KCNJ15: variants seen among roughly 807,000 people sequenced by gnomAD.
The protein encoded by KCNJ15 is ATP-sensitive inward rectifier potassium channel 15.
A neutral mutation model predicts 23.0 loss-of-function variants in KCNJ15; 14 were observed. The observed-to-expected ratio is 0.61, with a 90% confidence interval of 0.40 to 0.95. The LOEUF is 0.95. KCNJ15 is among the 40% of genes least tolerant of loss of function. The probability of loss-of-function intolerance (pLI) is 0.00; values close to 1 mark genes in which losing one functional copy is unlikely to be tolerated. For synonymous variants in KCNJ15, 185 were observed against 183.2 expected, an observed-to-expected ratio of 1.01 and a Z score of -0.08; for missense variants, 388 against 461.8, an observed-to-expected ratio of 0.84 and a Z score of 1.46.
At chr21:38,259,401 A>G (rs1177934880) in intron 1 of KCNJ15, among the ~76,000 whole-genome samples, 1 of 151,802 alleles carries the variant, frequency 6.6e-6, no homozygotes, top group Middle Eastern at 3.2e-3. Flanking sequence ...CTCCCTAATC[A>G]TTTTCTTCAG....
At position 38,299,383 on chromosome 21, in the gene KCNJ15, A is replaced by G. The variant is rs199852196; in HGVS notation, c.122A>G (p.Asp41Gly). 15 of 1,614,108 alleles carry G rather than the reference A, an allele frequency of 9.3e-6. No homozygotes were observed. The highest frequency in any genetic ancestry group is 3.3e-5 in the Admixed American group (2 of 60,010). The change falls in exon 3 of 3, where the codon GAC becomes GGC. Residue 41 changes from aspartate to glycine, a missense_variant. Transcript: ENST00000398938. The surrounding 1 kb of genome is among the most constrained non-coding windows in gnomAD (Gnocchi z 4.5). ...SKSGHSNVRIDKVDGIYLLYL... is the reference protein window; with the variant it reads ...SKSGHSNVRIGKVDGIYLLYL... The stretch of plus-strand genomic sequence containing the variant: ...AGTGGGCACAGCAACGTGAGAATTG[A>G]CAAAGTGGATGGCATATACCTACTC...
Position 38,301,201 on chromosome 21 carries a change from G to T in KCNJ15, c.*812G>T, listed in dbSNP as rs1459603629. On this transcript the variant is annotated 3_prime_UTR_variant, in exon 3 of 3. Coordinates refer to ENST00000398938, the MANE Select transcript of KCNJ15 (RefSeq NM_170736.3). Reference sequence around the variant, plus strand: ...TCCCAGCCAGACTTACAGAATTGGGGTCTGTATCTTAACAAGAACCCCAGA... The same window carrying T: ...TCCCAGCCAGACTTACAGAATTGGGTTCTGTATCTTAACAAGAACCCCAGA... 6.0e-6 allele frequency: 1 copy of T among 167,026 alleles called. No homozygotes were observed. The highest frequency in any genetic ancestry group is 2.4e-5 in the African/African-American group (1 of 41,424). The allele number at this position is 167,026 out of a possible 1,614,324, so 10.3% of individuals were successfully genotyped here.
chr21:38,232,516 A>G (rs1978343330), intron 1 of KCNJ15, among the ~76,000 whole-genome samples: 1 of 151,710 alleles, frequency 6.6e-6, no homozygotes, highest in South Asian at 2.1e-4. Flanking sequence ...TTATTTTTGC[A>G]GTGTCTTAAG....
At chr21:38,256,691 T>A (rs1473990531), upstream of KCNJ15, 1 of 152,296 alleles carries the variant, frequency 6.6e-6, no homozygotes, top group East Asian at 1.9e-4. Flanking sequence ...CCAAAGTTTC[T>A]TCAAAGATTA....
intron 1 of KCNJ15, among the ~76,000 whole-genome samples, chr21:38,246,372 C>T (rs1979377020): frequency 6.6e-6 from 1 of 152,126 alleles, no homozygotes; most frequent in Admixed American, 6.5e-5. Flanking sequence ...TTACTGTTGG[C>T]CTATATGATG....
upstream of KCNJ15, chr21:38,256,576 AAAAG>A (rs1324726401): frequency 1.3e-5 from 2 of 151,942 alleles, no homozygotes; most frequent in Non-Finnish European, 2.9e-5. Flanking sequence ...AGGAAAGAGA[AAAAG>A]AAAACATGGG....
In KCNJ15 at chr21:38,301,747, G is replaced by A. The variant is rs193290232; in HGVS notation, c.*1358G>A. The A allele has an allele frequency of 8.5e-4, 142 of 167,070 alleles. 1 individual carries two copies. Among genetic ancestry groups the A allele is most frequent in the Non-Finnish European group, 1.3e-3 (86 of 68,094 alleles). 10.3% of individuals were successfully genotyped at this position (167,070 alleles called of 1,614,324 possible). A position where few individuals can be genotyped will look rare whatever the true frequency, so the allele number is the denominator to read the frequency against. On this transcript the variant is annotated 3_prime_UTR_variant, in exon 3 of 3. Transcript: ENST00000398938. The stretch of plus-strand genomic sequence containing the variant: ...ATACCAAGAGGTAACATTTTGCCCC[G>A]GGCCAAATTCAGGGGTCTAGTGCCC...
intron 1 of KCNJ15, among the ~76,000 whole-genome samples, chr21:38,269,914 A>G (rs1011797065): frequency 1.3e-5 from 2 of 152,046 alleles, no homozygotes; most frequent in Admixed American, 6.5e-5. Context: ...CCCTACTTGT[A>G]TCATGCAGGA....
At chr21:38,286,018 C>T (rs1010890309) in intron 1 of KCNJ15, among the ~76,000 whole-genome samples, 2 of 151,974 alleles carry the variant, frequency 1.3e-5, no homozygotes, top group African/African-American at 4.8e-5. Flanking sequence ...CCGAGGCGGG[C>T]GGATCACGAG....
chr21:38,270,148 C>A (rs1344315093), intron 1 of KCNJ15, among the ~76,000 whole-genome samples: 1 of 152,096 alleles, frequency 6.6e-6, no homozygotes, highest in Non-Finnish European at 1.5e-5. Context: ...CCCGATGGGG[C>A]CTTACCTCTT....
intron 1 of KCNJ15, among the ~76,000 whole-genome samples, chr21:38,234,690 T>A (rs1314400468): frequency 4.6e-5 from 7 of 152,240 alleles, no homozygotes; most frequent in Admixed American, 4.6e-4. Context: ...AACATGAATA[T>A]TGCAGTTAGA....
intron 2 of KCNJ15, among the ~76,000 whole-genome samples, chr21:38,297,239 C>A (rs965568303): frequency 2.0e-5 from 3 of 152,130 alleles, no homozygotes; most frequent in African/African-American, 7.2e-5. Flanking sequence ...GCACTATATA[C>A]ACAGGACTGC....
rs1389954215 is a variant in KCNJ15, at chr21:38,302,000, AC to A, written c.*1612del. 7.1e-6 allele frequency: 1 copy of A among 141,692 alleles called. No homozygotes were observed. The highest frequency in any genetic ancestry group is 1.9e-4 in the East Asian group (1 of 5,176). The allele number at this position is 141,692 out of a possible 1,614,324, so 8.8% of individuals were successfully genotyped here. The stretch of plus-strand genomic sequence containing the variant: ...CACACATGCACACACGCGCGTGCAC[AC>A]ACGCACACATGCACACACACATACG... On this transcript the variant is annotated 3_prime_UTR_variant, in exon 3 of 3. Coordinates refer to ENST00000398938, the MANE Select transcript of KCNJ15 (RefSeq NM_170736.3).
Position 38,306,334 on chromosome 21 carries a change from G to A in KCNJ15, c.*5945G>A, listed in dbSNP as rs1467721621. The A allele has an allele frequency of 6.7e-6, 1 of 150,012 alleles. No homozygotes were observed. Among genetic ancestry groups the A allele is most frequent in the Admixed American group, 6.6e-5 (1 of 15,046 alleles). 9.3% of individuals were successfully genotyped at this position (150,012 alleles called of 1,614,324 possible). On this transcript the variant is annotated 3_prime_UTR_variant, in exon 3 of 3. Coordinates refer to ENST00000398938, the MANE Select transcript of KCNJ15 (RefSeq NM_170736.3). ...GATCTACTCAAAATTAGACTCCAAG[G>A]GAATTACTATAGTTGATTATAGAGT... is the stretch of plus-strand genomic sequence containing the variant.
intron 1 of KCNJ15, among the ~76,000 whole-genome samples, chr21:38,282,890 G>A (rs1314089489): frequency 3.3e-5 from 5 of 152,158 alleles, no homozygotes; most frequent in Admixed American, 2.0e-4. Flanking sequence ...GGAACAAGGT[G>A]AACGCTACCT....
In KCNJ15 at chr21:38,306,547, C is replaced by A. The variant is rs926844832; in HGVS notation, c.*6158C>A. 20 of 152,134 alleles carry A rather than the reference C, an allele frequency of 1.3e-4. No homozygotes were observed. Among genetic ancestry groups the A allele is most frequent in the African/African-American group, 4.1e-4 (17 of 41,432 alleles). The allele number at this position is 152,134 out of a possible 1,614,324, so 9.4% of individuals were successfully genotyped here. The stretch of plus-strand genomic sequence containing the variant: ...CATTCACTGTAGTTTTAGCTGTATT[C>A]TTTCATCTGCAATCAAATCTCAGGA... On this transcript the variant is annotated 3_prime_UTR_variant, in exon 3 of 3. Coordinates refer to ENST00000398938, the MANE Select transcript of KCNJ15 (RefSeq NM_170736.3).
intron 1 of KCNJ15, among the ~76,000 whole-genome samples, chr21:38,237,949 A>AACAAC (rs1568979477): frequency 2.2e-4 from 34 of 151,260 alleles, no homozygotes; most frequent in African/African-American, 7.1e-4. Flanking sequence ...CACAAGCTAA[A>AACAAC]AACAACAACA....
intron 1 of KCNJ15, among the ~76,000 whole-genome samples, chr21:38,273,832 G>A (rs1025515256): frequency 1.3e-5 from 2 of 152,212 alleles, no homozygotes; most frequent in African/African-American, 2.4e-5. Flanking sequence ...AGACTTTGAG[G>A]TCATTTCATC....
intron 1 of KCNJ15, among the ~76,000 whole-genome samples, chr21:38,279,168 G>C (rs1983062509): frequency 6.6e-6 from 1 of 151,744 alleles, no homozygotes; most frequent in Non-Finnish European, 1.5e-5. Flanking sequence ...AGTGCCTGAG[G>C]GTCTACGGGA....
Sources: gnomAD v4.1 joint callset for allele counts (sites outside exome capture counted in the v4.1 genomes callset) on GRCh38, gnomAD v4.1.1 for gene constraint, Gnocchi (gnomAD v3.1) non-coding constraint, MANE v1.5 for transcripts, NCBI Gene and HGNC (gene_info 2026-07-23, HGNC 2026-07-21) for gene names.